Variants in UBA1 observed in about 807,000 individuals in gnomAD.
UBA1 encodes the protein ubiquitin-like modifier-activating enzyme 1.
In UBA1, 4 loss-of-function variants were observed where a neutral mutation model predicts 84.7. The ratio of observed to expected loss-of-function variants is 0.05; its 90% confidence interval spans 0.02 to 0.11. The LOEUF (loss-of-function observed/expected upper bound fraction) is 0.11. Among genes scored for constraint, UBA1 ranks in the 10% least tolerant of loss-of-function variants. UBA1 has a pLI of 1.00. For missense variants in UBA1, 513 were observed against 902.8 expected, an observed-to-expected ratio of 0.57 and a Z score of 5.53; for synonymous variants, 364 against 362.6, an observed-to-expected ratio of 1.00 and a Z score of -0.04.
chrX:47,200,524 C>T (rs1353823952), intron 5 of UBA1, among the ~76,000 whole-genome samples: 1 of 111,569 alleles, frequency 9.0e-6, no homozygotes, highest in Non-Finnish European at 1.9e-5. Flanking sequence ...GAGCAGGCGT[C>T]GTCTTGAGAA....
Position 47,213,136 on chromosome X carries a change from G to T in UBA1, c.2793G>T (p.Leu931=), listed in dbSNP as rs782340410. 119 of 1,209,945 alleles carry T rather than the reference G, an allele frequency of 9.8e-5. No homozygotes were observed. Among genetic ancestry groups the T allele is most frequent in the Non-Finnish European group, 2.9e-5 (26 of 895,261 alleles). The change falls in exon 23 of 26, where the codon CTG becomes CTT. Residue 931 remains leucine (L), a synonymous_variant. Coordinates refer to ENST00000335972, the MANE Select transcript of UBA1 (RefSeq NM_003334.4). ...SYKNGFLNLA[L]PFFGFSEPLA... ...AGAATGGTTTCCTCAACTTGGCCCT[G>T]CCTTTCTTTGGTTTCTCTGAACCCC...
intron 14 of UBA1, 29 bp from the exon 15 acceptor site, chrX:47,205,919 C>T: frequency 1.7e-6 from 2 of 1,196,145 alleles, no homozygotes; most frequent in Admixed American, 2.3e-5. Flanking sequence ...CCATCCCCAC[C>T]CTGGAACTGC....
intron 20 of UBA1, 95 bp downstream of exon 20, chrX:47,211,320 C>A: frequency 1.0e-6 from 1 of 996,385 alleles, no homozygotes; most frequent in Non-Finnish European, 1.4e-6. Context: ...TTCTGCTCTG[C>A]TCTGTGACCC....
Position 47,202,733 on chromosome X carries a change from G to A in UBA1, c.1152G>A (p.Arg384=), listed in dbSNP as rs782140095. Residue 384 remains arginine, a synonymous_variant, in exon 11 of 26, where the codon CGG becomes CGA. Transcript: ENST00000335972. Reference sequence around the variant, plus strand: ...ATAACCTGGACGAGGACCTCATCCGGAAGCTGGCATATGTGGCTGCTGGGG... The same window carrying A: ...ATAACCTGGACGAGGACCTCATCCGAAAGCTGGCATATGTGGCTGCTGGGG... ...QQNNLDEDLI[R]KLAYVAAGDL... is the part of the protein sequence containing the mutation. The A allele has an allele frequency of 4.2e-5, 51 of 1,210,061 alleles. No individual in the cohort carries two copies. The highest frequency in any genetic ancestry group is 3.9e-5 in the Non-Finnish European group (35 of 894,970).
At chrX:47,203,364 C>T (rs1936497506) in intron 13 of UBA1, 150 bp downstream of exon 13, 2 of 832,906 alleles carry the variant, frequency 2.4e-6, no homozygotes, top group Admixed American at 2.5e-5. Context: ...CCCTCGTTTC[C>T]CCTTCTGGTG....
At chrX:47,197,160 G>C in intron 1 of UBA1, 1 of 754,987 alleles carries the variant, frequency 1.3e-6, no homozygotes, top group Non-Finnish European at 1.6e-6. Context: ...CAGCCAGCCT[G>C]CTGCCTCCCC....
At chrX:47,213,910 G>A (rs181634637) in intron 23 of UBA1, among the ~76,000 whole-genome samples, 45 of 111,367 alleles carry the variant, frequency 4.0e-4, no homozygotes, top group Non-Finnish European at 7.0e-4. Context: ...ACCAGGGGGC[G>A]AGGGGATGTA....
At position 47,201,626 on chromosome X, in the gene UBA1, G is replaced by T; in HGVS notation, c.811+16G>T. 2 of 1,209,812 alleles carry T rather than the reference G, an allele frequency of 1.7e-6. No individual in the cohort carries two copies. Among genetic ancestry groups the T allele is most frequent in the Non-Finnish European group, 1.1e-6 (1 of 893,981 alleles). Reference sequence around the variant, plus strand: ...AAAGTCCTGGGTGAGCTGCGACCATGGGGGAAGCAGAGGGGAACTAGAAGA... The same window carrying T: ...AAAGTCCTGGGTGAGCTGCGACCATTGGGGAAGCAGAGGGGAACTAGAAGA... On this transcript the variant is annotated intron_variant, in intron 8 of 25. Transcript: ENST00000335972.
intron 1 of UBA1, 127 bp from the exon 2 acceptor site, chrX:47,198,676 G>C (rs782043774): frequency 3.7e-5 from 24 of 644,978 alleles, no homozygotes; most frequent in Middle Eastern, 4.6e-4. Flanking sequence ...TTCTGTGCCT[G>C]TCCCCTCTTT....
Position 47,202,495 on chromosome X carries a change from C to T in UBA1, c.1047C>T (p.Pro349=), listed in dbSNP as rs782664927. ...FCAQHGRPPR[P]RNEEDAAELV... is the part of the protein sequence containing the mutation. ...CTCAGCATGGCCGGCCACCTCGGCC[C>T]CGCAATGAGGTGGGTGAGTGGGCGA... Residue 349 remains proline (P), a synonymous_variant, in exon 10 of 26, where the codon CCC becomes CCT. Coordinates refer to ENST00000335972, the MANE Select transcript of UBA1 (RefSeq NM_003334.4). 3.3e-6 allele frequency: 4 copies of T among 1,200,657 alleles called. No individual in the cohort carries two copies. Among genetic ancestry groups the T allele is most frequent in the Non-Finnish European group, 3.4e-6 (3 of 890,288 alleles).
At chrX:47,195,416 A>G (rs2147241546) in intron 1 of UBA1, among the ~76,000 whole-genome samples, 1 of 109,841 alleles carries the variant, frequency 9.1e-6, no homozygotes, top group Admixed American at 9.6e-5. Flanking sequence ...CGCCTGGCTA[A>G]TTTTTTGTAT....
chrX:47,202,249 G>C lies in UBA1; in HGVS notation c.905G>C (p.Ser302Thr). 8.3e-7 allele frequency: 1 copy of C among 1,208,863 alleles called. No individual in the cohort carries two copies. The highest frequency in any genetic ancestry group is 1.1e-6 in the Non-Finnish European group (1 of 893,624). ...VSQVKVPKKI[S>T]FKSLVASLAE... Reference sequence around the variant, plus strand: ...CAGGTCAAAGTACCTAAGAAGATTAGCTTTGTGAGTGTGTCGATGGGATCA... The same window carrying C: ...CAGGTCAAAGTACCTAAGAAGATTACCTTTGTGAGTGTGTCGATGGGATCA... The change falls in exon 9 of 26, where the codon AGC (serine) becomes ACC (threonine). Residue 302 changes from serine (S) to threonine (T), a missense_variant. Coordinates refer to ENST00000335972, the MANE Select transcript of UBA1 (RefSeq NM_003334.4).
Position 47,199,386 on chromosome X carries a change from TC to T in UBA1, c.345+11del. The T allele has an allele frequency of 8.3e-7, 1 of 1,211,941 alleles. No homozygotes were observed. The highest frequency in any genetic ancestry group is 1.1e-6 in the Non-Finnish European group (1 of 895,473). On this transcript the variant is annotated intron_variant, in intron 4 of 25. Transcript: ENST00000335972. ...CTGATCTTTCCTCCCAGGTACCTCT[TC>T]CTAGCACCCTTCCCCCTTTCCCCCT...
chrX:47,200,180 C>T (rs1382643486), intron 5 of UBA1, among the ~76,000 whole-genome samples: 2 of 112,125 alleles, frequency 1.8e-5, no homozygotes, highest in Admixed American at 1.9e-4. Context: ...TGCTGCAGGC[C>T]TCCAGCCTTG....
At chrX:47,199,677 C>G in intron 5 of UBA1, 63 bp downstream of exon 5, 1 of 1,159,831 alleles carries the variant, frequency 8.6e-7, no homozygotes, top group Non-Finnish European at 1.2e-6. Context: ...CTGGTTTATT[C>G]AGTAGTGTTC....
At chrX:47,207,979 C>T (rs1556791691) in intron 16 of UBA1, among the ~76,000 whole-genome samples, 1 of 112,259 alleles carries the variant, frequency 8.9e-6, no homozygotes, top group Non-Finnish European at 1.9e-5. Flanking sequence ...ACTGTTGTAA[C>T]ACCTGTTTTA....
intron 24 of UBA1, 35 bp from the exon 25 acceptor site, chrX:47,214,502 C>G (rs782263480): frequency 3.3e-5 from 39 of 1,198,790 alleles, no homozygotes; most frequent in South Asian, 5.3e-5. Context: ...GGCCTGTCCA[C>G]CTCCATGACC....
chrX:47,213,711 C>CA (rs1437393547), intron 23 of UBA1, among the ~76,000 whole-genome samples: 3 of 111,216 alleles, frequency 2.7e-5, no homozygotes, highest in Non-Finnish European at 3.8e-5. Flanking sequence ...ACTAAAAATA[C>CA]AAAAAATTAG....
chrX:47,212,952 C>T (rs368853006), intron 22 of UBA1, 38 bp from the exon 23 acceptor site: 50 of 1,209,114 alleles, frequency 4.1e-5, no homozygotes, highest in Non-Finnish European at 5.4e-5. Context: ...GGCTCTTGTA[C>T]TTAACTACCA....
Sources: allele counts gnomAD v4.1 joint callset (sites outside exome capture counted in the v4.1 genomes callset), GRCh38; gene constraint gnomAD v4.1.1; transcripts MANE v1.5; gene names NCBI Gene and HGNC (gene_info 2026-07-23, HGNC 2026-07-21).